HLCS: variants seen among roughly 807,000 people sequenced by gnomAD.
HLCS encodes the protein biotin--protein ligase.
In HLCS, 53 loss-of-function variants were observed where a neutral mutation model predicts 75.0. The observed-to-expected ratio is 0.71, with a 90% CI of 0.57 to 0.89. HLCS has a LOEUF of 0.89. Among genes scored for constraint, HLCS ranks in the 40% least tolerant of loss-of-function variants. The probability of loss-of-function intolerance (pLI) is 0.00; values close to 1 mark genes in which losing one functional copy is unlikely to be tolerated. For missense variants in HLCS, 966 were observed against 1,074.0 expected, an observed-to-expected ratio of 0.90 and a Z score of 1.41; for synonymous variants, 431 against 428.6, an observed-to-expected ratio of 1.01 and a Z score of -0.07.
Position 36,937,341 on chromosome 21 carries a change from T to TTC in HLCS, c.544_545insGA (p.Asn182ArgfsTer8). On this transcript the variant is annotated frameshift_variant, in exon 4 of 11. Coordinates refer to ENST00000674895, the MANE Select transcript of HLCS (RefSeq NM_001352514.2). LOFTEE classifies it high-confidence loss of function. ...CGGCTCTAGGATCTGGGCTTGCTTG[T>TTC]TTGAGACCTGATCCTTAACTTCCTT... is the stretch of plus-strand genomic sequence containing the variant. 1 of 1,614,026 alleles carries TTC rather than the reference T, an allele frequency of 6.2e-7. No individual in the cohort carries two copies. Among genetic ancestry groups the TTC allele is most frequent in the Non-Finnish European group, 8.5e-7 (1 of 1,180,018 alleles).
chr21:36,833,703 A>G (rs903671212), intron 6 of HLCS, among the ~76,000 whole-genome samples: 2 of 151,608 alleles, frequency 1.3e-5, no homozygotes, highest in African/African-American at 4.9e-5. Context: ...ACAGAAGAGG[A>G]TAAGGCATCA....
chr21:36,794,583 T>C (rs908309307), intron 6 of HLCS, among the ~76,000 whole-genome samples: 1 of 152,154 alleles, frequency 6.6e-6, no homozygotes, highest in Non-Finnish European at 1.5e-5. Context: ...GGGACAGATT[T>C]GGAAGTGTGC....
rs756934917 is a variant in HLCS at position 36,936,530 on chromosome 21, G to A, written c.1356C>T (p.Gly452=). Residue 452 remains glycine (G), a synonymous_variant, in exon 4 of 11, where the codon GGC becomes GGT. Transcript: ENST00000674895. ...PVRLSPGRLQ[G]HLENEDKDRM... The stretch of plus-strand genomic sequence containing the variant: ...TGTCCTTGTCCTCATTCTCCAGGTG[G>A]CCCTGGAGCCTGCCGGGGCTGAGCC... The A allele has an allele frequency of 6.2e-6, 10 of 1,614,034 alleles. No individual in the cohort carries two copies. Among genetic ancestry groups the A allele is most frequent in the South Asian group, 4.4e-5 (4 of 91,090 alleles).
At chr21:36,845,567 G>A (rs2062769463) in intron 6 of HLCS, among the ~76,000 whole-genome samples, 1 of 152,132 alleles carries the variant, frequency 6.6e-6, no homozygotes, top group Non-Finnish European at 1.5e-5. Context: ...GGCAGTAGCA[G>A]GGACACGCTC....
chr21:36,987,400 G>T (rs2069247674), intron 1 of HLCS, among the ~76,000 whole-genome samples: 1 of 151,958 alleles, frequency 6.6e-6, no homozygotes, highest in East Asian at 1.9e-4. Flanking sequence ...ATCACTTGAG[G>T]CCAGGAGTTC....
intron 6 of HLCS, among the ~76,000 whole-genome samples, chr21:36,771,843 C>CA (rs1488015358): frequency 6.6e-6 from 1 of 151,756 alleles, no homozygotes; most frequent in Non-Finnish European, 1.5e-5. Context: ...ATTAAAAATA[C>CA]AAAAAATTAG....
intron 1 of HLCS, among the ~76,000 whole-genome samples, chr21:36,980,026 CAAAAAAAAAAAA>C (rs71198844): frequency 1.8e-5 from 1 of 55,122 alleles, no homozygotes; most frequent in Non-Finnish European, 3.1e-5. Context: ...GTCCCCATCT[CAAAAAAAAAAAA>C]AAAAAAAAAA....
In HLCS at chr21:36,766,022, T is replaced by C. The variant is rs142062676; in HGVS notation, c.1961-850A>G. On this transcript the variant is annotated intron_variant, in intron 7 of 10. Transcript: ENST00000674895. ...TCCTGATATTAACTGAGTTGTTATT[T>C]TTCTTTACTTCCTTTCTTTCTTCCT... 1.2e-4 allele frequency among the ~76,000 whole-genome samples: 19 copies of C among 152,282 alleles called. No individual in the cohort carries two copies. In the East Asian group the frequency reaches 3.7e-3, roughly 29 times the overall value.
At chr21:36,767,806 A>G (rs1272394378) in intron 6 of HLCS, among the ~76,000 whole-genome samples, 1 of 152,198 alleles carries the variant, frequency 6.6e-6, no homozygotes, top group Non-Finnish European at 1.5e-5. Flanking sequence ...CTGAGAACTA[A>G]TTATGATTTA....
intron 1 of HLCS, among the ~76,000 whole-genome samples, chr21:36,984,851 C>T (rs1187380256): frequency 4.0e-5 from 6 of 150,830 alleles, no homozygotes; most frequent in Admixed American, 4.0e-4. Context: ...TGGAATGTTC[C>T]ATTTTATATT....
chr21:36,864,985 CTT>C (rs1453541093), intron 6 of HLCS, among the ~76,000 whole-genome samples: 1 of 152,004 alleles, frequency 6.6e-6, no homozygotes, highest in African/African-American at 2.4e-5. Flanking sequence ...AAAATCTTGT[CTT>C]TTGCTTTCTG....
intron 6 of HLCS, among the ~76,000 whole-genome samples, chr21:36,861,886 C>A (rs1294779070): frequency 1.3e-5 from 2 of 152,132 alleles, no homozygotes; most frequent in African/African-American, 2.4e-5. Context: ...AGATTCATCA[C>A]CCCCAAAAGA....
Position 36,754,097 on chromosome 21 carries a change from AAAAC to A in HLCS, c.*145_*148del. On this transcript the variant is annotated 3_prime_UTR_variant, in exon 11 of 11. Coordinates refer to ENST00000674895, the MANE Select transcript of HLCS (RefSeq NM_001352514.2). The stretch of plus-strand genomic sequence containing the variant: ...TTCAAACACCAAAGAAAACGACAAC[AAAAC>A]AAACCTAAAAACAAACAGAAACACA... 1.1e-6 allele frequency: 1 copy of A among 916,104 alleles called. No homozygotes were observed. Among genetic ancestry groups the A allele is most frequent in the Non-Finnish European group, 1.7e-6 (1 of 602,644 alleles). The allele number at this position is 916,104 out of a possible 1,614,324, so 56.7% of individuals were successfully genotyped here.
At chr21:36,930,850 G>A (rs1422998769) in intron 4 of HLCS, among the ~76,000 whole-genome samples, 2 of 152,172 alleles carry the variant, frequency 1.3e-5, no homozygotes, top group Non-Finnish European at 2.9e-5. Context: ...ATTCCAAAGA[G>A]CCTACTCAAA....
At chr21:36,848,713 T>C (rs1213736819) in intron 6 of HLCS, among the ~76,000 whole-genome samples, 1 of 152,232 alleles carries the variant, frequency 6.6e-6, no homozygotes. Context: ...GCCTTTTTCT[T>C]TTATCATTTT....
intron 6 of HLCS, among the ~76,000 whole-genome samples, chr21:36,834,973 T>C (rs4817822): frequency 0.92 from 139,995 of 152,234 alleles, 64,541 homozygotes; most frequent in African/African-American, 0.98. Context: ...GGTCAGGAGT[T>C]AGGCTAAGCA....
chr21:36,828,137 T>C (rs1601420833), intron 6 of HLCS, among the ~76,000 whole-genome samples: 1 of 152,140 alleles, frequency 6.6e-6, no homozygotes, highest in African/African-American at 2.4e-5. Context: ...TTTTCTACAG[T>C]TGTTTCATGT....
rs532782803 is a variant in HLCS, at chr21:36,769,302, G to A, written c.1893-2017C>T. On this transcript the variant is annotated intron_variant, in intron 6 of 10. Coordinates refer to ENST00000674895, the MANE Select transcript of HLCS (RefSeq NM_001352514.2). Reference sequence around the variant, plus strand: ...GCTCAGTTTGAGACAACTGGAGGCCGCCAGATTTATTTGTGCTATCTGAGA... The same window carrying A: ...GCTCAGTTTGAGACAACTGGAGGCCACCAGATTTATTTGTGCTATCTGAGA... Among the ~76,000 whole-genome samples, 16 of 152,298 alleles carry A rather than the reference G, an allele frequency of 1.1e-4. No individual in the cohort carries two copies. The East Asian group carries it at 3.1e-3, about 29-fold the overall frequency.
chr21:36,857,571 C>T (rs1189462668), intron 6 of HLCS, among the ~76,000 whole-genome samples: 1 of 152,128 alleles, frequency 6.6e-6, no homozygotes, highest in Non-Finnish European at 1.5e-5. Flanking sequence ...ATGCCAATGT[C>T]CTCACATCGA....
Sources: gnomAD v4.1 joint callset for allele counts (sites outside exome capture counted in the v4.1 genomes callset) on GRCh38, gnomAD v4.1.1 for gene constraint, MANE v1.5 for transcripts, NCBI Gene and HGNC (gene_info 2026-07-23, HGNC 2026-07-21) for gene names.